NKAIN1: variants seen among roughly 807,000 people sequenced by gnomAD.
NKAIN1 encodes sodium/potassium-transporting ATPase subunit beta-1-interacting protein 1.
Under a neutral mutation model 31.6 loss-of-function variants are expected in NKAIN1, and 13 were observed. The ratio of observed to expected loss-of-function variants is 0.41; its 90% CI spans 0.27 to 0.65. The LOEUF (loss-of-function observed/expected upper bound fraction) is 0.65. Among genes scored for constraint, NKAIN1 ranks in the 30% least tolerant of loss-of-function variants. NKAIN1 has a pLI of 0.30. For synonymous variants in NKAIN1, 104 were observed against 109.0 expected (o/e 0.95, Z 0.28); for missense variants, 193 against 262.2 (o/e 0.74, Z 1.82).
At chr1:31,214,000 AG>A (rs1557658600) in intron 1 of NKAIN1, among the ~76,000 whole-genome samples, 1 of 125,416 alleles carries the variant, frequency 8.0e-6, no homozygotes, top group African/African-American at 2.9e-5. Context: ...TCTCAAAAAA[AG>A]AATAAAATAA....
intron 1 of NKAIN1, 187 bp from the exon 2 acceptor site, chr1:31,188,374 G>T: frequency 1.6e-6 from 1 of 632,490 alleles, no homozygotes; most frequent in South Asian, 2.0e-5. Flanking sequence ...ACTTTGGGGT[G>T]GGCTGAAAGG....
intron 1 of NKAIN1, among the ~76,000 whole-genome samples, chr1:31,232,424 T>TATATATATATATATATATAGAG (rs1313157898): frequency 5.9e-5 from 1 of 16,922 alleles, no homozygotes; most frequent in Non-Finnish European, 1.1e-4. Flanking sequence ...TATATATATA[T>TATATATATATATATATATAGAG]AGAGAGAGAG....
At chr1:31,200,306 C>T (rs975688815) in intron 1 of NKAIN1, among the ~76,000 whole-genome samples, 4 of 152,142 alleles carry the variant, frequency 2.6e-5, no homozygotes, top group Admixed American at 1.3e-4. Context: ...AAACACAGGA[C>T]CAAAAGCCAG....
intron 1 of NKAIN1, among the ~76,000 whole-genome samples, chr1:31,232,424 T>TATATATATATACATAG (rs1313157898): frequency 5.9e-5 from 1 of 16,908 alleles, no homozygotes; most frequent in Non-Finnish European, 1.1e-4. Context: ...TATATATATA[T>TATATATATATACATAG]AGAGAGAGAG....
chr1:31,187,959 G>C (rs974812921), intron 2 of NKAIN1, 91 bp downstream of exon 2: 1 of 1,364,880 alleles, frequency 7.3e-7, no homozygotes, highest in Non-Finnish European at 9.9e-7. Flanking sequence ...CCAGTGTTGG[G>C]GGGCAGTTCT....
intron 1 of NKAIN1, among the ~76,000 whole-genome samples, chr1:31,237,526 G>A (rs1343359163): frequency 1.3e-5 from 2 of 149,692 alleles, no homozygotes; most frequent in Admixed American, 6.7e-5. Flanking sequence ...TTGAGACACA[G>A]TTTCACTCTG....
At chr1:31,191,620 G>A (rs942918077) in intron 1 of NKAIN1, among the ~76,000 whole-genome samples, 2 of 152,048 alleles carry the variant, frequency 1.3e-5, no homozygotes, top group African/African-American at 4.8e-5. Flanking sequence ...GATACATAGT[G>A]GCTAATTAAT....
intron 2 of NKAIN1, among the ~76,000 whole-genome samples, chr1:31,186,056 C>G (rs1402815554): frequency 6.7e-6 from 1 of 148,170 alleles, no homozygotes; most frequent in Admixed American, 6.7e-5. Context: ...GGAGAAAACC[C>G]ATATTTAAAA....
At chr1:31,206,548 G>C (rs2148357553) in intron 1 of NKAIN1, among the ~76,000 whole-genome samples, 1 of 151,778 alleles carries the variant, frequency 6.6e-6, no homozygotes, top group South Asian at 2.1e-4. Flanking sequence ...TGATCCTCCT[G>C]TCTCAGCCTC....
chr1:31,217,089 C>T (rs1315379255), intron 1 of NKAIN1, among the ~76,000 whole-genome samples: 1 of 152,212 alleles, frequency 6.6e-6, no homozygotes, highest in Non-Finnish European at 1.5e-5. Context: ...TGGTCTTGAA[C>T]TCCTGGCCTC....
At chr1:31,214,857 C>T (rs1292824681) in intron 1 of NKAIN1, among the ~76,000 whole-genome samples, 1 of 152,158 alleles carries the variant, frequency 6.6e-6, no homozygotes, top group Non-Finnish European at 1.5e-5. Flanking sequence ...GGAGGGACAC[C>T]AAAGGGAAGG....
At chr1:31,206,758 G>A (rs1387298521) in intron 1 of NKAIN1, among the ~76,000 whole-genome samples, 1 of 151,908 alleles carries the variant, frequency 6.6e-6, no homozygotes, top group African/African-American at 2.4e-5. Flanking sequence ...TTCTGACACA[G>A]GGTTTCACTC....
chr1:31,218,016 T>TTTTCCTTCTTTCTTTC (rs1645526505), intron 1 of NKAIN1, among the ~76,000 whole-genome samples: 1 of 108,212 alleles, frequency 9.2e-6, no homozygotes, highest in Non-Finnish European at 1.8e-5. Flanking sequence ...GCAGCTACCA[T>TTTTCCTTCTTTCTTTC]TTTCTTTCTT....
intron 1 of NKAIN1, among the ~76,000 whole-genome samples, chr1:31,217,632 G>T (rs1312095190): frequency 6.6e-6 from 1 of 152,226 alleles, no homozygotes; most frequent in Non-Finnish European, 1.5e-5. Context: ...CCCACTGGGG[G>T]ATCTTATTCT....
At chr1:31,187,565 C>A (rs1048285356) in intron 2 of NKAIN1, among the ~76,000 whole-genome samples, 1 of 152,182 alleles carries the variant, frequency 6.6e-6, no homozygotes, top group African/African-American at 2.4e-5. Context: ...TGTGTCCTTG[C>A]GCCCACCCCT....
chr1:31,234,484 A>G (rs1645680797), intron 1 of NKAIN1, among the ~76,000 whole-genome samples: 1 of 143,150 alleles, frequency 7.0e-6, no homozygotes, highest in South Asian at 2.3e-4. Context: ...AGAGCTTTCT[A>G]GAAGGGAAAA....
At chr1:31,190,559 G>A (rs1419050544) in intron 1 of NKAIN1, among the ~76,000 whole-genome samples, 5 of 152,180 alleles carry the variant, frequency 3.3e-5, no homozygotes, top group African/African-American at 1.2e-4. Context: ...GCACTGGTAA[G>A]GGAGTCAAGA....
At chr1:31,192,762 G>A (rs1645296130) in intron 1 of NKAIN1, among the ~76,000 whole-genome samples, 1 of 152,020 alleles carries the variant, frequency 6.6e-6, no homozygotes, top group African/African-American at 2.4e-5. Flanking sequence ...CTGTTGCCCA[G>A]CCTAGTCTCA....
chr1:31,194,881 C>T (rs1645312639), intron 1 of NKAIN1, among the ~76,000 whole-genome samples: 1 of 148,212 alleles, frequency 6.7e-6, no homozygotes, highest in Admixed American at 6.8e-5. Flanking sequence ...AAGCGATTCT[C>T]CTGTCTCAGC....
Sources: gnomAD v4.1 joint callset for allele counts (sites outside exome capture counted in the v4.1 genomes callset) on GRCh38, gnomAD v4.1.1 for gene constraint, MANE v1.5 for transcripts, NCBI Gene and HGNC (gene_info 2026-07-23, HGNC 2026-07-21) for gene names.